The following TCIRG1 variants were observed in gnomAD, a reference collection of about 807,000 sequenced individuals.
The protein encoded by TCIRG1 is T cell immune regulator 1, ATPase H+ transporting V0 subunit a3, also known as V-type proton ATPase 116 kDa subunit a 3.
TCIRG1 carries 86 observed loss-of-function variants against 95.5 expected under a neutral mutation model. The observed-to-expected ratio is 0.90, with a 90% CI of 0.76 to 1.08. The LOEUF is 1.08. Ranked by LOEUF, TCIRG1 falls within the 50% of genes least tolerant of loss-of-function variation. The pLI is 0.00. For missense variants in TCIRG1, 1,069 were observed against 1,140.2 expected (o/e 0.94, Z 0.90); for synonymous variants, 499 against 501.3 (o/e 1.00, Z 0.06).
At chr11:68,049,450 A>G in intron 15 of TCIRG1, 156 bp downstream of exon 15, 2 of 987,074 alleles carry the variant, frequency 2.0e-6, no homozygotes, top group South Asian at 1.6e-5. Flanking sequence ...GTGCATCTTT[A>G]GCAGGTGGCA....
chr11:68,047,252 G>A (rs1442771137), intron 10 of TCIRG1, among the ~76,000 whole-genome samples, 181 bp from the exon 11 acceptor site: 3 of 28,088 alleles, frequency 1.1e-4, no homozygotes. Context: ...CTCGGGTGAT[G>A]CCCCCCCCCC....
chr11:68,045,549 T>C (rs1047512935), intron 10 of TCIRG1, among the ~76,000 whole-genome samples: 1 of 151,234 alleles, frequency 6.6e-6, no homozygotes, highest in African/African-American at 2.4e-5. Context: ...TTGCTTTGGT[T>C]GCACAGCTTT....
rs1318034539 is a variant in TCIRG1, at chr11:68,044,968, G to A, written c.1031G>A (p.Gly344Glu). 3.1e-6 allele frequency: 5 copies of A among 1,608,044 alleles called. No homozygotes were observed. The highest frequency in any genetic ancestry group is 2.2e-5 in the East Asian group (1 of 44,876). Residue 344 changes from glycine (G) to glutamate (E), a missense_variant, in exon 10 of 20, where the codon GGA (glycine) becomes GAA (glutamate). Transcript: ENST00000265686. ...TGCCCTGGCACCCAGATGGAGGAGG[G>A]AGTGAGTGCCGTGGCTCACCGCATC... ...EALRDSSMEE[G>E]VSAVAHRIPC...
rs375645026 is a variant in TCIRG1 at position 68,041,438 on chromosome 11, C to T, written c.117+50C>T. On this transcript the variant is annotated intron_variant, in intron 2 of 19. Coordinates refer to ENST00000265686, the MANE Select transcript of TCIRG1 (RefSeq NM_006019.4). ...AAGGGGGCTACTGCCAAGGTTAGCC[C>T]GGAGGCCGGTCCAGGATGGGGACTG... 3.1e-4 allele frequency: 420 copies of T among 1,366,248 alleles called. 2 individuals carry two copies. The highest frequency in any genetic ancestry group is 1.1e-3 in the East Asian group (50 of 43,562). 84.6% of individuals were successfully genotyped at this position (1,366,248 alleles called of 1,614,324 possible).
rs543099977 is a variant in TCIRG1, at chr11:68,044,150, C to T, written c.826C>T (p.Arg276Trp). 9.2e-5 allele frequency: 143 copies of T among 1,550,112 alleles called. No individual in the cohort carries two copies. In the East Asian group the frequency reaches 1.4e-3, roughly 15 times the overall value. Residue 276 changes from arginine (R) to tryptophan (W), a missense_variant, in exon 9 of 20, where the codon CGG (arginine) becomes TGG (tryptophan). Transcript: ENST00000265686. The part of the protein sequence containing the change: ...ELQEVLGETE[R>W]FLSQVLGRVL... ...GGCGCAGGTCCTCGGGGAGACAGAGCGGTTCCTGAGCCAGGTGCTAGGCCG... is the reference window on the plus strand; with the variant it reads ...GGCGCAGGTCCTCGGGGAGACAGAGTGGTTCCTGAGCCAGGTGCTAGGCCG...
In TCIRG1 at chr11:68,050,040, G is replaced by A; in HGVS notation, c.2092G>A (p.Gly698Ser). ...GAGCTCCGATGAGGAAAAGGCAGGG[G>A]GCCTGGATGATGAAGAGGAGGCCGA... Reference protein sequence around the residue: ...GWSSDEEKAGGLDDEEEAELV... With the variant: ...GWSSDEEKAGSLDDEEEAELV... Residue 698 changes from glycine (G) to serine (S), a missense_variant, in exon 17 of 20, where the codon GGC becomes AGC. Coordinates refer to ENST00000265686, the MANE Select transcript of TCIRG1 (RefSeq NM_006019.4). 2 of 1,613,424 alleles carry A rather than the reference G, an allele frequency of 1.2e-6. No homozygotes were observed. Among genetic ancestry groups the A allele is most frequent in the Non-Finnish European group, 1.7e-6 (2 of 1,179,932 alleles).
At chr11:68,047,214 TG>T (rs1158022213) in intron 10 of TCIRG1, among the ~76,000 whole-genome samples, 1 of 132,922 alleles carries the variant, frequency 7.5e-6, no homozygotes, top group East Asian at 2.3e-4. Flanking sequence ...TTTCACCGTG[TG>T]GGCCAGGCTG....
intron 11 of TCIRG1, 24 bp from the exon 12 acceptor site, chr11:68,047,623 C>G (rs1286112265): frequency 6.2e-7 from 1 of 1,612,976 alleles, no homozygotes; most frequent in Admixed American, 1.7e-5. Context: ...CAGGCAGCCC[C>G]TCACCACACC....
Position 68,047,954 on chromosome 11 carries a change from C to A in TCIRG1, c.1536C>A (p.Tyr512Ter), listed in dbSNP as rs138049763. Residue 512 changes from tyrosine (Y) to a stop codon, truncating the protein, a stop_gained, in exon 13 of 20, where the codon TAC becomes TAA. Transcript: ENST00000265686. LOFTEE classifies it high-confidence loss of function. Reference protein sequence around the residue: ...PNVTGVFLGPYPFGIDPIWSL... With the variant: ...PNVTGVFLGP ...TCACCGGTGTCTTCCTGGGACCCTA[C>A]CCCTTTGGCATCGATCCTGTGAGTC... 3 of 1,613,796 alleles carry A rather than the reference C, an allele frequency of 1.9e-6. No homozygotes were observed. Among genetic ancestry groups the A allele is most frequent in the Non-Finnish European group, 2.5e-6 (3 of 1,179,990 alleles).
intron 13 of TCIRG1, 177 bp downstream of exon 13, chr11:68,048,149 C>T (rs1184758183): frequency 1.4e-6 from 1 of 692,516 alleles, no homozygotes; most frequent in Non-Finnish European, 2.6e-6. Context: ...ATCACAGTCC[C>T]CTGAGTGTGC....
At chr11:68,045,863 CTG>C (rs931703688) in intron 10 of TCIRG1, among the ~76,000 whole-genome samples, 8 of 152,250 alleles carry the variant, frequency 5.3e-5, no homozygotes, top group African/African-American at 1.9e-4. Context: ...GGGCCCCTCC[CTG>C]TCCTGTGACC....
At chr11:68,050,898 G>A (rs911517975), downstream of TCIRG1, 2 of 1,489,508 alleles carry the variant, frequency 1.3e-6, no homozygotes, top group Middle Eastern at 1.7e-4. Context: ...CCCTGGCAGT[G>A]ATGTCTCGTC....
In TCIRG1 at chr11:68,042,748, C is replaced by T. The variant is rs1040671295; in HGVS notation, c.302C>T (p.Thr101Met). Residue 101 changes from threonine (T) to methionine (M), a missense_variant, in exon 4 of 20, where the codon ACG (threonine) becomes ATG (methionine). By Grantham distance (81) the Thr-to-Met change is moderately conservative. Coordinates refer to ENST00000265686, the MANE Select transcript of TCIRG1 (RefSeq NM_006019.4). ...PRDLLRIQEE[T>M]ERLAQELRDV... is the part of the protein sequence containing the mutation. ...GACCTGCTGCGCATCCAGGAGGAGA[C>T]GGAGCGCCTGGCCCAGGAGCTGCGG... 6.5e-6 allele frequency: 10 copies of T among 1,547,220 alleles called. No individual in the cohort carries two copies. Among genetic ancestry groups the T allele is most frequent in the East Asian group, 2.4e-5 (1 of 40,898 alleles).
At chr11:68,052,922 A>G (rs1009458791), downstream of TCIRG1, 1 of 152,532 alleles carries the variant, frequency 6.6e-6, no homozygotes, top group Non-Finnish European at 1.5e-5. Context: ...TATGCACAAA[A>G]AACAATTCAA....
In TCIRG1 at chr11:68,043,287, C is replaced by T. The variant is rs549325391; in HGVS notation, c.504-84C>T. 66 of 1,504,778 alleles carry T rather than the reference C, an allele frequency of 4.4e-5. 1 individual carries two copies. The South Asian group carries it at 6.8e-4, about 15-fold the overall frequency. 93.2% of individuals were successfully genotyped at this position (1,504,778 alleles called of 1,614,324 possible). A position where few individuals can be genotyped will look rare whatever the true frequency, so the allele number is the denominator to read the frequency against. On this transcript the variant is annotated intron_variant, in intron 5 of 19. Coordinates refer to ENST00000265686, the MANE Select transcript of TCIRG1 (RefSeq NM_006019.4). ...GTGCCCAATTGCCCGATTGCCCGTG[C>T]TGGGCAGGGTCCTGCCCGGGGGGCC... is the stretch of plus-strand genomic sequence containing the variant.
Position 68,047,826 on chromosome 11 carries a change from G to T in TCIRG1, c.1463+22G>T, listed in dbSNP as rs374801505. On this transcript the variant is annotated intron_variant, in intron 12 of 19. Transcript: ENST00000265686. ...GGAGGTGAGGCCCGGGCCCCAGCCC[G>T]GCTGGGGGCCCCGCAGCACCCGCAG... 3.7e-6 allele frequency: 6 copies of T among 1,612,176 alleles called. No individual in the cohort carries two copies. The South Asian group carries it at 5.5e-5, about 15-fold the overall frequency.
intron 9 of TCIRG1, 94 bp downstream of exon 9, chr11:68,044,438 T>TG: frequency 9.4e-7 from 1 of 1,068,776 alleles, no homozygotes; most frequent in Non-Finnish European, 1.4e-6. Flanking sequence ...TCCCTGCACC[T>TG]GGGCTTTGCC....
At chr11:68,047,299 G>T (rs1484669534) in intron 10 of TCIRG1, 134 bp from the exon 11 acceptor site, 1 of 546,010 alleles carries the variant, frequency 1.8e-6, no homozygotes, top group Non-Finnish European at 3.1e-6. Flanking sequence ...GGGATTACAG[G>T]CATGAGCCAC....
chr11:68,050,872 G>A lies in TCIRG1; in HGVS notation c.*53G>A, dbSNP rs1855772958. On this transcript the variant is annotated 3_prime_UTR_variant, in exon 20 of 20. Coordinates refer to ENST00000265686, the MANE Select transcript of TCIRG1 (RefSeq NM_006019.4). The stretch of plus-strand genomic sequence containing the variant: ...CTTCCTGACCTCTGAGGCAGGAGAG[G>A]AATAAAGACGGTCCGCCCTGGCAGT... 1 of 1,578,734 alleles carries A rather than the reference G, an allele frequency of 6.3e-7. No homozygotes were observed. Among genetic ancestry groups the A allele is most frequent in the South Asian group, 1.1e-5 (1 of 90,264 alleles).
Sources: allele counts gnomAD v4.1 joint callset (sites outside exome capture counted in the v4.1 genomes callset), GRCh38; gene constraint gnomAD v4.1.1; transcripts MANE v1.5; gene names NCBI Gene and HGNC (gene_info 2026-07-23, HGNC 2026-07-21).